The following CNTNAP2 variants were observed in gnomAD, a reference collection of about 807,000 sequenced individuals.
CNTNAP2 encodes contactin associated protein 2.
CNTNAP2 carries 98 observed loss-of-function variants against 155.2 expected under a neutral mutation model. That is an observed-to-expected ratio of 0.63 (90% CI 0.54 to 0.75). The LOEUF is 0.75. CNTNAP2 is among the 30% of genes least tolerant of loss of function. The probability of loss-of-function intolerance (pLI) is 0.00; values close to 1 mark genes in which losing one functional copy is unlikely to be tolerated. For synonymous variants in CNTNAP2, 651 were observed against 631.2 expected (o/e 1.03, Z -0.47); for missense variants, 1,727 against 1,688.1 (o/e 1.02, Z -0.40).
At chr7:148,193,476 A>C (rs1333712163) in intron 18 of CNTNAP2, among the ~76,000 whole-genome samples, 28 of 152,212 alleles carry the variant, frequency 1.8e-4, no homozygotes, top group Non-Finnish European at 2.9e-5. Context: ...TGAAATACAC[A>C]TTTTCATAAT....
At chr7:146,593,722 CCTT>C (rs1563148779) in intron 1 of CNTNAP2, among the ~76,000 whole-genome samples, 1 of 152,122 alleles carries the variant, frequency 6.6e-6, no homozygotes, top group Non-Finnish European at 1.5e-5. Context: ...GCTCATCCCT[CCTT>C]ATTTCTCCTT....
intron 1 of CNTNAP2, among the ~76,000 whole-genome samples, chr7:146,539,422 A>G (rs996874719): frequency 3.3e-5 from 5 of 152,070 alleles, no homozygotes; most frequent in African/African-American, 1.2e-4. Context: ...GCAGAAAATT[A>G]AAAAGCAATC....
At chr7:146,844,247 T>C (rs1393309354) in intron 3 of CNTNAP2, among the ~76,000 whole-genome samples, 1 of 152,116 alleles carries the variant, frequency 6.6e-6, no homozygotes, top group East Asian at 1.9e-4. Context: ...TCCTAAAGAA[T>C]GGTTTATCTG....
At chr7:147,044,182 A>G (rs1799312812) in intron 4 of CNTNAP2, 128 bp downstream of exon 4, 1 of 963,006 alleles carries the variant, frequency 1.0e-6, no homozygotes, top group South Asian at 1.4e-5. Flanking sequence ...TTACATATAT[A>G]TGTATCTATG....
At chr7:147,803,749 A>C (rs1798044238) in intron 13 of CNTNAP2, among the ~76,000 whole-genome samples, 1 of 152,142 alleles carries the variant, frequency 6.6e-6, no homozygotes, top group South Asian at 2.1e-4. Context: ...TGCCATTTAG[A>C]GAAGTGGATG....
intron 8 of CNTNAP2, among the ~76,000 whole-genome samples, chr7:147,140,910 G>A (rs1276774854): frequency 6.6e-6 from 1 of 152,072 alleles, no homozygotes; most frequent in Non-Finnish European, 1.5e-5. Context: ...TTGCTGTACT[G>A]CTATAAAGGC....
intron 22 of CNTNAP2, among the ~76,000 whole-genome samples, chr7:148,403,816 C>T (rs530288961): frequency 3.3e-5 from 5 of 152,328 alleles, no homozygotes; most frequent in African/African-American, 1.2e-4. Flanking sequence ...CACTCACATG[C>T]ATTAGGACAA....
intron 13 of CNTNAP2, among the ~76,000 whole-genome samples, chr7:147,787,978 G>A (rs1364719397): frequency 6.6e-6 from 1 of 152,182 alleles, no homozygotes; most frequent in Admixed American, 6.5e-5. Flanking sequence ...TGTGGATTGT[G>A]GAAGTACATT....
chr7:147,506,404 C>T (rs965213921), intron 11 of CNTNAP2, among the ~76,000 whole-genome samples: 2 of 152,080 alleles, frequency 1.3e-5, no homozygotes, highest in Admixed American at 6.6e-5. Context: ...TACAGGCATG[C>T]ACCACCATGC....
intron 21 of CNTNAP2, among the ~76,000 whole-genome samples, chr7:148,308,929 G>C (rs999362046): frequency 2.6e-5 from 4 of 152,168 alleles, no homozygotes; most frequent in Admixed American, 2.6e-4. Flanking sequence ...TGGCTGCATA[G>C]TGTTCCATGG....
chr7:146,374,953 GT>G (rs1346025482), intron 1 of CNTNAP2, among the ~76,000 whole-genome samples: 1 of 152,090 alleles, frequency 6.6e-6, no homozygotes, highest in Non-Finnish European at 1.5e-5. Context: ...TCATATGCTA[GT>G]TTATATATTT....
At chr7:147,040,174 C>A (rs1414278574) in intron 3 of CNTNAP2, among the ~76,000 whole-genome samples, 2 of 152,036 alleles carry the variant, frequency 1.3e-5, no homozygotes, top group South Asian at 2.1e-4. Context: ...AAGTGGCCAA[C>A]AAGCCTATGA....
At chr7:146,928,746 T>C (rs1328319278) in intron 3 of CNTNAP2, among the ~76,000 whole-genome samples, 1 of 152,180 alleles carries the variant, frequency 6.6e-6, no homozygotes, top group African/African-American at 2.4e-5. Flanking sequence ...TACTGTGCTT[T>C]TCCGACAGGC....
chr7:146,562,851 G>A (rs1288955823), intron 1 of CNTNAP2, among the ~76,000 whole-genome samples: 1 of 151,878 alleles, frequency 6.6e-6, no homozygotes, highest in Non-Finnish European at 1.5e-5. Flanking sequence ...TTCAAATTAG[G>A]GAGGATTTAA....
At chr7:148,073,737 C>T (rs1803423657) in intron 15 of CNTNAP2, among the ~76,000 whole-genome samples, 2 of 151,918 alleles carry the variant, frequency 1.3e-5, no homozygotes, top group South Asian at 2.1e-4. Context: ...CCTTGAACAA[C>T]ACAGATTTGA....
intron 9 of CNTNAP2, among the ~76,000 whole-genome samples, chr7:147,365,484 G>C (rs542365593): frequency 3.3e-4 from 49 of 149,354 alleles, no homozygotes; most frequent in African/African-American, 1.2e-3. Flanking sequence ...ATCTTTGTCA[G>C]ATGAATGTTT....
intron 1 of CNTNAP2, among the ~76,000 whole-genome samples, chr7:146,710,252 A>G (rs1365959537): frequency 6.6e-6 from 1 of 152,206 alleles, no homozygotes; most frequent in Non-Finnish European, 1.5e-5. Flanking sequence ...CTGGAATATG[A>G]AAACAAATGT....
At chr7:146,345,703 A>G (rs1388716860) in intron 1 of CNTNAP2, among the ~76,000 whole-genome samples, 1 of 152,202 alleles carries the variant, frequency 6.6e-6, no homozygotes, top group African/African-American at 2.4e-5. Context: ...TTACCACCAG[A>G]ATGTTACAAA....
intron 13 of CNTNAP2, among the ~76,000 whole-genome samples, chr7:147,658,067 A>G (rs11974369): frequency 6.9e-6 from 1 of 144,074 alleles, no homozygotes; most frequent in African/African-American, 2.5e-5. Context: ...CCATCCCGGC[A>G]AAAATGGTGA....
Sources: allele counts gnomAD v4.1 joint callset (sites outside exome capture counted in the v4.1 genomes callset), GRCh38; gene constraint gnomAD v4.1.1; transcripts MANE v1.5; gene names NCBI Gene and HGNC (gene_info 2026-07-23, HGNC 2026-07-21).